SIN3B: variants seen among roughly 807,000 people sequenced by gnomAD.
SIN3B encodes paired amphipathic helix protein Sin3b.
A neutral mutation model predicts 120.2 loss-of-function variants in SIN3B; 19 were observed. The observed-to-expected ratio is 0.16, with a 90% CI of 0.11 to 0.23. The LOEUF (loss-of-function observed/expected upper bound fraction) is 0.23. Ranked by LOEUF, SIN3B falls within the 10% of genes least tolerant of loss-of-function variation. SIN3B has a pLI of 1.00. For missense variants in SIN3B, 1,073 were observed against 1,573.0 expected (o/e 0.68, Z 5.38); for synonymous variants, 654 against 653.2 (o/e 1.00, Z -0.02).
intron 3 of SIN3B, among the ~76,000 whole-genome samples, chr19:16,834,837 C>CT (rs1971325669): frequency 6.6e-6 from 1 of 152,038 alleles, no homozygotes; most frequent in Non-Finnish European, 1.5e-5. Flanking sequence ...CCCTGGAGTC[C>CT]TTTGAGAGGC....
At chr19:16,858,044 T>A (rs1024645406) in intron 8 of SIN3B, among the ~76,000 whole-genome samples, 6 of 152,104 alleles carry the variant, frequency 3.9e-5, no homozygotes, top group African/African-American at 1.4e-4. Flanking sequence ...ACCCAGCTAC[T>A]TTTTGTATTT....
chr19:16,861,365 G>A (rs1429884169), intron 8 of SIN3B, among the ~76,000 whole-genome samples: 5 of 152,200 alleles, frequency 3.3e-5, no homozygotes, highest in Admixed American at 2.6e-4. Flanking sequence ...GGTGGCTCAC[G>A]CCTGTCACCC....
chr19:16,869,368 G>C (rs1310003609), intron 12 of SIN3B, 92 bp from the exon 13 acceptor site: 3 of 1,456,990 alleles, frequency 2.1e-6, no homozygotes, highest in Non-Finnish European at 2.7e-6. Context: ...ATCCACCTTG[G>C]TGGCCCAGTT....
intron 5 of SIN3B, among the ~76,000 whole-genome samples, chr19:16,848,569 A>T (rs1834308943): frequency 6.6e-6 from 1 of 151,666 alleles, no homozygotes; most frequent in African/African-American, 2.4e-5. Context: ...GTAATTGATC[A>T]CTGTTCACTG....
At chr19:16,854,470 T>C in intron 8 of SIN3B, 1 of 532,886 alleles carries the variant, frequency 1.9e-6, no homozygotes, top group East Asian at 3.4e-5. Flanking sequence ...CCTTTACCAG[T>C]AACATCTGTA....
intron 8 of SIN3B, among the ~76,000 whole-genome samples, chr19:16,858,315 G>A (rs781238044): frequency 1.3e-5 from 2 of 152,014 alleles, no homozygotes; most frequent in African/African-American, 2.4e-5. Flanking sequence ...AGCCTCCCAG[G>A]TTTGCTCATT....
chr19:16,878,485 C>T lies in SIN3B; in HGVS notation c.3163-12C>T. 1.9e-6 allele frequency: 3 copies of T among 1,563,708 alleles called. No individual in the cohort carries two copies. Among genetic ancestry groups the T allele is most frequent in the Non-Finnish European group, 2.6e-6 (3 of 1,153,936 alleles). On this transcript the variant is annotated splice_polypyrimidine_tract_variant and intron_variant, in intron 18 of 18. Coordinates refer to ENST00000248054, the MANE Select transcript of SIN3B (RefSeq NM_001297595.2). The stretch of plus-strand genomic sequence containing the variant: ...AGCCCTCAGCTGCCCTGACACCCGG[C>T]CTCTTCAACAGGTGCAGCCCCTGGT...
intron 10 of SIN3B, among the ~76,000 whole-genome samples, chr19:16,864,291 C>T (rs1971730410): frequency 6.6e-6 from 1 of 152,084 alleles, no homozygotes; most frequent in Non-Finnish European, 1.5e-5. Flanking sequence ...GAGACCCTGT[C>T]TCCTAAAAAG....
At chr19:16,861,128 AT>A (rs759089881) in intron 8 of SIN3B, among the ~76,000 whole-genome samples, 2 of 152,118 alleles carry the variant, frequency 1.3e-5, no homozygotes, top group African/African-American at 2.4e-5. Context: ...CAGCCATGAC[AT>A]TATGACTTTC....
rs770994084 is a variant in SIN3B at position 16,829,775 on chromosome 19, C to T, written c.121-16C>T. On this transcript the variant is annotated splice_polypyrimidine_tract_variant and intron_variant, in intron 1 of 18. Transcript: ENST00000248054. ...TCCGCGGCCAGGGCCCACCGGGACCCTCCCCCTCTCTGCAGGTAGAAGACG... is the reference window on the plus strand; with the variant it reads ...TCCGCGGCCAGGGCCCACCGGGACCTTCCCCCTCTCTGCAGGTAGAAGACG... 7.5e-6 allele frequency: 12 copies of T among 1,602,186 alleles called. No individual in the cohort carries two copies. The South Asian group carries it at 7.7e-5, about 10-fold the overall frequency.
intron 3 of SIN3B, among the ~76,000 whole-genome samples, chr19:16,834,540 G>A (rs1474931974): frequency 6.6e-6 from 1 of 152,156 alleles, no homozygotes; most frequent in Non-Finnish European, 1.5e-5. Context: ...TTGGGGAAAG[G>A]CTTGAAAAGA....
Position 16,878,957 on chromosome 19 carries a change from C to G in SIN3B, c.*230C>G. On this transcript the variant is annotated 3_prime_UTR_variant, in exon 19 of 19. Transcript: ENST00000248054. The stretch of plus-strand genomic sequence containing the variant: ...ACCCGAGCCCTGGGGCTCAGCCCCA[C>G]CACAGGGGCGGGTGGACGTGCTGGC... 3.6e-6 allele frequency: 2 copies of G among 553,884 alleles called. No individual in the cohort carries two copies. The highest frequency in any genetic ancestry group is 6.4e-6 in the Non-Finnish European group (2 of 314,366). The allele number at this position is 553,884 out of a possible 1,614,324, so 34.3% of individuals were successfully genotyped here.
rs751351231 is a variant in SIN3B, at chr19:16,866,529, C to G, written c.1779C>G (p.Leu593=). ...DTKALRSKSL[L]NEIESVYDEH... ...AGGCCCTGCGCTCCAAGAGCTTGCT[C>G]AACGAGATCGAGAGCGTCTACGACG... The change falls in exon 12 of 19, where the codon CTC becomes CTG. Residue 593 remains leucine, a synonymous_variant. Coordinates refer to ENST00000248054, the MANE Select transcript of SIN3B (RefSeq NM_001297595.2). 6.2e-7 allele frequency: 1 copy of G among 1,613,796 alleles called. No homozygotes were observed. The highest frequency in any genetic ancestry group is 2.2e-5 in the East Asian group (1 of 44,854).
At chr19:16,870,907 T>C (rs112183839) in intron 13 of SIN3B, among the ~76,000 whole-genome samples, 1,640 of 151,340 alleles carry the variant, frequency 0.011, 22 homozygotes, top group African/African-American at 0.036. Context: ...GCCAACCTGG[T>C]CTCAAACTCC....
chr19:16,863,624 TA>T (rs1449783621), intron 9 of SIN3B, 55 bp from the exon 10 acceptor site: 1 of 1,117,982 alleles, frequency 8.9e-7, no homozygotes, highest in Admixed American at 1.7e-5. Context: ...TGGCTAACAG[TA>T]AATCTTGGCT....
rs542701098 is a variant in SIN3B, at chr19:16,842,702, G to A, written c.582+734G>A. The stretch of plus-strand genomic sequence containing the variant: ...GACAAATGGCTGCTCCTGCTTAGCT[G>A]TTCATTGCAGTGGTGGGAAGAAACT... On this transcript the variant is annotated intron_variant, in intron 4 of 18. Coordinates refer to ENST00000248054, the MANE Select transcript of SIN3B (RefSeq NM_001297595.2). Among the ~76,000 whole-genome samples, 4 of 152,324 alleles carry A rather than the reference G, an allele frequency of 2.6e-5. No homozygotes were observed. The East Asian group carries it at 7.7e-4, about 29-fold the overall frequency.
At chr19:16,852,036 A>G (rs1971552678) in intron 6 of SIN3B, among the ~76,000 whole-genome samples, 1 of 152,182 alleles carries the variant, frequency 6.6e-6, no homozygotes, top group Non-Finnish European at 1.5e-5. Flanking sequence ...AGTTATGTAT[A>G]TTAGATATGG....
At chr19:16,875,808 TTGGTC>T (rs958484811) in intron 14 of SIN3B, 7 of 543,942 alleles carry the variant, frequency 1.3e-5, no homozygotes, top group African/African-American at 5.8e-5. Flanking sequence ...TCTGGTCTGT[TTGGTC>T]TGGTCTGGTC....
rs752635517 is a variant in SIN3B, at chr19:16,831,527, G to A, written c.261G>A (p.Ser87=). The A allele has an allele frequency of 1.7e-5, 27 of 1,613,862 alleles. 1 individual carries two copies. The highest frequency in any genetic ancestry group is 1.6e-4 in the Middle Eastern group (1 of 6,084). Residue 87 remains serine, a synonymous_variant, in exon 3 of 19, where the codon TCG becomes TCA. Transcript: ENST00000248054. ...IDTPGVIRRV[S]QLFHEHPDLI... is the part of the protein sequence containing the mutation. ...CTCCTGGAGTCATCAGACGTGTCTCGCAGCTCTTCCACGAGCACCCTGACC... is the reference window on the plus strand; with the variant it reads ...CTCCTGGAGTCATCAGACGTGTCTCACAGCTCTTCCACGAGCACCCTGACC...
Sources: gnomAD v4.1 joint callset for allele counts (sites outside exome capture counted in the v4.1 genomes callset) on GRCh38, gnomAD v4.1.1 for gene constraint, MANE v1.5 for transcripts, NCBI Gene and HGNC (gene_info 2026-07-23, HGNC 2026-07-21) for gene names.